The following KCNN2 variants were observed in gnomAD, a reference collection of about 807,000 sequenced individuals.
KCNN2 encodes small conductance calcium-activated potassium channel protein 2.
Under a neutral mutation model 55.5 loss-of-function variants are expected in KCNN2, and 24 were observed. That is an observed-to-expected ratio of 0.43 (90% confidence interval 0.31 to 0.61). The LOEUF (loss-of-function observed/expected upper bound fraction) is 0.61. KCNN2 is among the 20% of genes least tolerant of loss of function. The probability of loss-of-function intolerance (pLI) is 0.08; values close to 1 mark genes in which losing one functional copy is unlikely to be tolerated. For synonymous variants in KCNN2, 431 were observed against 336.1 expected (o/e 1.28, Z -3.09); for missense variants, 754 against 853.6 (o/e 0.88, Z 1.45).
intron 2 of KCNN2, among the ~76,000 whole-genome samples, chr5:114,224,109 C>G (rs979256431): frequency 1.3e-5 from 2 of 152,078 alleles, no homozygotes; most frequent in African/African-American, 2.4e-5. Flanking sequence ...TCTGGTGCCC[C>G]CTTTTGGTAG....
chr5:114,251,880 C>A lies in KCNN2; in HGVS notation c.-185+30315C>A, dbSNP rs200543218. On this transcript the variant is annotated intron_variant, in intron 2 of 10. Transcript: ENST00000512097. The stretch of plus-strand genomic sequence containing the variant: ...TTTTCTGTTTTTTCTTTTTCTTTTT[C>A]TTTTTTTTTTTTTTTTGAGACAGGA... Among the ~76,000 whole-genome samples, 5 of 133,338 alleles carry A rather than the reference C, an allele frequency of 3.7e-5. No individual in the cohort carries two copies. The Admixed American group carries it at 3.9e-4, about 10-fold the overall frequency. 87.5% of individuals were successfully genotyped at this position (133,338 alleles called of 152,430 possible).
intron 2 of KCNN2, among the ~76,000 whole-genome samples, chr5:114,395,801 G>T (rs1758597019): frequency 1.3e-5 from 2 of 152,076 alleles, no homozygotes. Context: ...CTGCTTCACT[G>T]CCTGCTGCTT....
intron 1 of KCNN2, among the ~76,000 whole-genome samples, chr5:114,112,021 A>G (rs555604733): frequency 6.6e-6 from 1 of 152,236 alleles, no homozygotes; most frequent in African/African-American, 2.4e-5. Context: ...ATAAAGACAC[A>G]TGTGCATGTA....
chr5:114,070,809 C>G (rs1469160965), intron 1 of KCNN2, among the ~76,000 whole-genome samples: 3 of 152,202 alleles, frequency 2.0e-5, no homozygotes, highest in Non-Finnish European at 2.9e-5. Flanking sequence ...GGGCAGGTTA[C>G]CAGACCTCTC....
chr5:114,460,057 G>A (rs1227641383), intron 3 of KCNN2, among the ~76,000 whole-genome samples: 3 of 152,102 alleles, frequency 2.0e-5, no homozygotes, highest in Non-Finnish European at 4.4e-5. Context: ...TTAATAAAAA[G>A]TGCTGCAGGA....
intron 1 of KCNN2, among the ~76,000 whole-genome samples, chr5:114,084,805 A>C (rs78276504): frequency 2.6e-5 from 4 of 152,044 alleles, no homozygotes; most frequent in Admixed American, 6.5e-5. Context: ...TGGTTTTACA[A>C]CTAGGTCTAT....
At chr5:114,274,813 T>C (rs1490812541) in intron 2 of KCNN2, among the ~76,000 whole-genome samples, 1 of 152,212 alleles carries the variant, frequency 6.6e-6, no homozygotes, top group East Asian at 1.9e-4. Flanking sequence ...TCTTCCTATT[T>C]GAATACCCTT....
At chr5:114,411,473 C>T (rs1023614083) in intron 3 of KCNN2, among the ~76,000 whole-genome samples, 6 of 151,982 alleles carry the variant, frequency 3.9e-5, no homozygotes, top group African/African-American at 1.4e-4. Flanking sequence ...TGGCTCAGTC[C>T]AAGTCTAAAA....
At chr5:114,276,407 G>A (rs4705655) in intron 2 of KCNN2, among the ~76,000 whole-genome samples, 8 of 152,148 alleles carry the variant, frequency 5.3e-5, no homozygotes, top group African/African-American at 1.9e-4. Flanking sequence ...TCCCATTGGT[G>A]TGTCTAATAT....
chr5:114,202,146 T>G (rs1478458080), intron 1 of KCNN2, among the ~76,000 whole-genome samples: 1 of 152,064 alleles, frequency 6.6e-6, no homozygotes, highest in African/African-American at 2.4e-5. Flanking sequence ...GTAGCTGGGC[T>G]GTCAAAGTGG....
chr5:114,344,036 T>C (rs925470339), intron 2 of KCNN2, among the ~76,000 whole-genome samples: 1 of 152,218 alleles, frequency 6.6e-6, no homozygotes, highest in Non-Finnish European at 1.5e-5. Flanking sequence ...GAAACTAACA[T>C]TGTCTTCCAG....
At chr5:114,472,295 G>C (rs1450625707) in intron 4 of KCNN2, among the ~76,000 whole-genome samples, 1 of 152,130 alleles carries the variant, frequency 6.6e-6, no homozygotes, top group African/African-American at 2.4e-5. Flanking sequence ...ATCACGGAGC[G>C]GGAGGACTGT....
intron 6 of KCNN2, chr5:114,489,039 A>T (rs1208006061): frequency 6.6e-6 from 1 of 152,100 alleles, no homozygotes; most frequent in Non-Finnish European, 1.5e-5. Context: ...GACCTATCAA[A>T]TGGGTAATTA....
intron 2 of KCNN2, among the ~76,000 whole-genome samples, chr5:114,294,850 G>C (rs990506063): frequency 3.2e-4 from 48 of 152,164 alleles, no homozygotes; most frequent in African/African-American, 1.1e-3. Context: ...TATGAATCTG[G>C]GTGCTCCTGT....
At chr5:114,426,104 C>T (rs1759615987) in intron 3 of KCNN2, among the ~76,000 whole-genome samples, 1 of 151,970 alleles carries the variant, frequency 6.6e-6, no homozygotes, top group Admixed American at 6.6e-5. Context: ...GTTGCTTGGC[C>T]CAGGACATTG....
At chr5:114,224,215 G>A (rs761095470) in intron 2 of KCNN2, among the ~76,000 whole-genome samples, 1 of 152,116 alleles carries the variant, frequency 6.6e-6, no homozygotes, top group African/African-American at 2.4e-5. Context: ...TCTAAGAGAC[G>A]ATAGCTTAAC....
chr5:114,224,876 T>G (rs1039592093), intron 2 of KCNN2, among the ~76,000 whole-genome samples: 3 of 152,144 alleles, frequency 2.0e-5, no homozygotes, highest in Non-Finnish European at 4.4e-5. Flanking sequence ...CTTTCGCCCA[T>G]TTTTTGATGG....
At chr5:114,192,262 G>T (rs923134952) in intron 1 of KCNN2, among the ~76,000 whole-genome samples, 1 of 152,012 alleles carries the variant, frequency 6.6e-6, no homozygotes, top group Admixed American at 6.5e-5. Context: ...TTAATGTTTT[G>T]GCTGCTCTCT....
chr5:114,450,366 T>C (rs1337048731), intron 3 of KCNN2, among the ~76,000 whole-genome samples: 3 of 152,172 alleles, frequency 2.0e-5, no homozygotes, highest in African/African-American at 7.2e-5. Context: ...GCTCACAGTG[T>C]GCACAGGATG....
Sources: allele counts gnomAD v4.1 joint callset (sites outside exome capture counted in the v4.1 genomes callset), GRCh38; gene constraint gnomAD v4.1.1; transcripts MANE v1.5; gene names NCBI Gene and HGNC (gene_info 2026-07-23, HGNC 2026-07-21).